KDM2B: variants seen among roughly 807,000 people sequenced by gnomAD.
KDM2B encodes lysine-specific demethylase 2B.
In KDM2B, 26 loss-of-function variants were observed where a neutral mutation model predicts 150.0. The ratio of observed to expected loss-of-function variants is 0.17; its 90% CI spans 0.13 to 0.24. The LOEUF (loss-of-function observed/expected upper bound fraction) is 0.24. Ranked by LOEUF, KDM2B falls within the 10% of genes least tolerant of loss-of-function variation. The probability of loss-of-function intolerance (pLI) is 1.00; values close to 1 mark genes in which losing one functional copy is unlikely to be tolerated. For missense variants in KDM2B, 1,265 were observed against 1,816.9 expected (o/e 0.70, Z 5.52); for synonymous variants, 734 against 729.5 (o/e 1.01, Z -0.10).
intron 11 of KDM2B, among the ~76,000 whole-genome samples, chr12:121,495,045 C>T (rs1240090811): frequency 2.7e-5 from 4 of 150,772 alleles, no homozygotes; most frequent in Non-Finnish European, 5.9e-5. Context: ...TCACCCAGGC[C>T]GGAGTGCAGT....
At chr12:121,424,620 A>G (rs1872418149), downstream of KDM2B, among the ~76,000 whole-genome samples, 1 of 151,332 alleles carries the variant, frequency 6.6e-6, no homozygotes, top group Admixed American at 6.6e-5. Flanking sequence ...CTGAGGTAGG[A>G]GGATGGCTTG....
chr12:121,446,211 C>T lies in KDM2B; in HGVS notation c.1960-793G>A, dbSNP rs545797147. Among the ~76,000 whole-genome samples the T allele has an allele frequency of 4.2e-3, 633 of 152,226 alleles. 3 individuals are homozygous for T. The highest frequency in any genetic ancestry group is 0.015 in the East Asian group (77 of 5,170). On this transcript the variant is annotated intron_variant, in intron 13 of 22. Coordinates refer to ENST00000377071, the MANE Select transcript of KDM2B (RefSeq NM_032590.5). ...GAGATCGAGACCATCCCGGCTACCACGGTGAAACCCCGTCTCTACTAAAAA... is the reference window on the plus strand; with the variant it reads ...GAGATCGAGACCATCCCGGCTACCATGGTGAAACCCCGTCTCTACTAAAAA...
chr12:121,524,742 G>T (rs1247607626), intron 8 of KDM2B: 1 of 442,622 alleles, frequency 2.3e-6, no homozygotes, highest in East Asian at 7.1e-5. Flanking sequence ...CTGCTGCCTG[G>T]GCTGGGAACG....
chr12:121,452,802 CGGAA>C lies in KDM2B; in HGVS notation c.1959+314_1959+317del, dbSNP rs367829269. Among the ~76,000 whole-genome samples, 1 of 152,080 alleles carries C rather than the reference CGGAA, an allele frequency of 6.6e-6. No individual in the cohort carries two copies. Among genetic ancestry groups the C allele is most frequent in the Non-Finnish European group, 1.5e-5 (1 of 68,006 alleles). On this transcript the variant is annotated intron_variant, in intron 13 of 22. Transcript: ENST00000377071. This position sits in a 1 kb window ranked among gnomAD's most constrained non-coding sequence, Gnocchi z 4.4. ...AGACTTCTGACTCTGAAGGCAGGGCCGGAAGGAAGGAAGGAAGGGCCCAGAACCG... is the reference window on the plus strand; with the variant it reads ...AGACTTCTGACTCTGAAGGCAGGGCCGGAAGGAAGGAAGGGCCCAGAACCG...
At chr12:121,415,798 A>G in the KDM2B span, among the ~76,000 whole-genome samples, 1 of 148,956 alleles carries the variant, frequency 6.7e-6, no homozygotes, top group South Asian at 2.1e-4. Flanking sequence ...TTTTTAGTAT[A>G]TGCATATCCC....
intron 22 of KDM2B, among the ~76,000 whole-genome samples, chr12:121,434,274 G>A (rs770882746): frequency 2.6e-5 from 4 of 151,672 alleles, no homozygotes; most frequent in Non-Finnish European, 5.9e-5. Context: ...GGTGACTCAC[G>A]CCTATAATCC....
Position 121,442,305 on chromosome 12 carries a change from G to T in KDM2B, c.3136C>A (p.Pro1046Thr), listed in dbSNP as rs1875258759. 1.2e-6 allele frequency: 2 copies of T among 1,610,168 alleles called. No homozygotes were observed. Among genetic ancestry groups the T allele is most frequent in the East Asian group, 4.5e-5 (2 of 44,854 alleles). ...IQMERHVIRP[P>T]PISPPPDSLP... Reference sequence around the variant, plus strand: ...GAGTCAGGCGGGGGGCTGATGGGGGGTGGCCGGATCACATGGCGCTCCATC... The same window carrying T: ...GAGTCAGGCGGGGGGCTGATGGGGGTTGGCCGGATCACATGGCGCTCCATC... Residue 1046 changes from proline to threonine, a missense_variant, in exon 19 of 23, where the codon CCC becomes ACC. Coordinates refer to ENST00000377071, the MANE Select transcript of KDM2B (RefSeq NM_032590.5). The surrounding 1 kb of genome is among the most constrained non-coding windows in gnomAD (Gnocchi z 7.7).
At chr12:121,485,080 C>T (rs941174861) in intron 12 of KDM2B, among the ~76,000 whole-genome samples, 5 of 152,140 alleles carry the variant, frequency 3.3e-5, no homozygotes, top group African/African-American at 4.8e-5. Context: ...GAAGCAGATC[C>T]TCCCACAGCC....
Position 121,466,597 on chromosome 12 carries a change from T to TCTCC in KDM2B, c.1735-13257_1735-13254dup, listed in dbSNP as rs1490108970. Among the ~76,000 whole-genome samples the TCTCC allele has an allele frequency of 2.0e-5, 3 of 151,404 alleles. No homozygotes were observed. The East Asian group carries it at 5.8e-4, about 29-fold the overall frequency. On this transcript the variant is annotated intron_variant, in intron 12 of 22. Transcript: ENST00000377071. ...GGCCCGCGGCTCGCACCCCTTCCTGTCTCCGTCTGCCCACGGCGGGCGGCG... is the reference window on the plus strand; with the variant it reads ...GGCCCGCGGCTCGCACCCCTTCCTGTCTCCCTCCGTCTGCCCACGGCGGGCGGCG...
chr12:121,541,037 A>T (rs1473313990), intron 6 of KDM2B, among the ~76,000 whole-genome samples: 1 of 152,114 alleles, frequency 6.6e-6, no homozygotes, highest in Non-Finnish European at 1.5e-5. Context: ...GTTCGAGACC[A>T]GCCTGACCAA....
chr12:121,442,338 A>C lies in KDM2B; in HGVS notation c.3103T>G (p.Cys1035Gly). 1 of 1,585,012 alleles carries C rather than the reference A, an allele frequency of 6.3e-7. No individual in the cohort carries two copies. Among genetic ancestry groups the C allele is most frequent in the Non-Finnish European group, 8.6e-7 (1 of 1,163,494 alleles). Reference protein sequence around the residue: ...RPPPSVSPPKCIQMERHVIRP... With the variant: ...RPPPSVSPPKGIQMERHVIRP... The stretch of plus-strand genomic sequence containing the variant: ...ATCACATGGCGCTCCATCTGGATAC[A>C]CTTGGGCGGGGACACGGAGGGTGGG... The change falls in exon 19 of 23, where the codon TGT becomes GGT. Residue 1035 changes from cysteine (C) to glycine (G), a missense_variant. Around this residue, in one of 11 missense-constraint regions of KDM2B, gnomAD observed 418 missense variants for 402.4 expected, o/e 1.04. Coordinates refer to ENST00000377071, the MANE Select transcript of KDM2B (RefSeq NM_032590.5). This position sits in a 1 kb window ranked among gnomAD's most constrained non-coding sequence, Gnocchi z 7.7.
rs1368103156 is a variant in KDM2B at position 121,575,973 on chromosome 12, G to A, written c.272-114C>T. ...GGACGAAGGGGCAGGGGGTCCAGGAGATGCAGGCACCAGCTGTACAGCAAA... is the reference window on the plus strand; with the variant it reads ...GGACGAAGGGGCAGGGGGTCCAGGAAATGCAGGCACCAGCTGTACAGCAAA... On this transcript the variant is annotated intron_variant, in intron 2 of 22. Coordinates refer to ENST00000377071, the MANE Select transcript of KDM2B (RefSeq NM_032590.5). The surrounding 1 kb of genome is among the most constrained non-coding windows in gnomAD (Gnocchi z 4.4). 1 of 754,520 alleles carries A rather than the reference G, an allele frequency of 1.3e-6. No individual in the cohort carries two copies. The highest frequency in any genetic ancestry group is 1.7e-5 in the African/African-American group (1 of 58,396). The allele number at this position is 754,520 out of a possible 1,614,324, so 46.7% of individuals were successfully genotyped here.
chr12:121,523,816 G>A (rs113981687), intron 8 of KDM2B, among the ~76,000 whole-genome samples: 3,238 of 152,306 alleles, frequency 0.021, 124 homozygotes, highest in African/African-American at 0.074. Context: ...GGTCTCTGGC[G>A]TGAGCCATGA....
rs774917820 is a variant in KDM2B, at chr12:121,520,359, C to T, written c.1047+626G>A. 2.6e-5 allele frequency among the ~76,000 whole-genome samples: 4 copies of T among 152,106 alleles called. No individual in the cohort carries two copies. Among genetic ancestry groups the T allele is most frequent in the Non-Finnish European group, 5.9e-5 (4 of 68,022 alleles). ...AGTTACCTAAGCCTCCGCCCATGTT[C>T]GTAGGACATGGGGTGAGTGAGGGAA... On this transcript the variant is annotated intron_variant, in intron 9 of 22. Coordinates refer to ENST00000377071, the MANE Select transcript of KDM2B (RefSeq NM_032590.5). This position sits in a 1 kb window ranked among gnomAD's most constrained non-coding sequence, Gnocchi z 4.5.
At position 121,518,619 on chromosome 12, in the gene KDM2B, G is replaced by T. The variant is rs573915729; in HGVS notation, c.1047+2366C>A. 2.6e-5 allele frequency among the ~76,000 whole-genome samples: 4 copies of T among 152,316 alleles called. No individual in the cohort carries two copies. Among genetic ancestry groups the T allele is most frequent in the South Asian group, 4.1e-4 (2 of 4,828 alleles). On this transcript the variant is annotated intron_variant, in intron 9 of 22. Coordinates refer to ENST00000377071, the MANE Select transcript of KDM2B (RefSeq NM_032590.5). The surrounding 1 kb of genome is among the most constrained non-coding windows in gnomAD (Gnocchi z 4.4). ...CAGCACCCTGCCAGTCGTCATGGGT[G>T]GGGGAAGGGACCTGGGCTCCTAAGG...
chr12:121,533,169 T>C lies in KDM2B; in HGVS notation c.778-210A>G, dbSNP rs1290987652. 6.6e-6 allele frequency among the ~76,000 whole-genome samples: 1 copy of C among 152,150 alleles called. No individual in the cohort carries two copies. The highest frequency in any genetic ancestry group is 1.5e-5 in the Non-Finnish European group (1 of 68,008). On this transcript the variant is annotated intron_variant, in intron 7 of 22. Coordinates refer to ENST00000377071, the MANE Select transcript of KDM2B (RefSeq NM_032590.5). This position sits in a 1 kb window ranked among gnomAD's most constrained non-coding sequence, Gnocchi z 4.1. ...GAGGCAGGAAGGGCTGTGCCCACCT[T>C]CAGGGAACCTCCATTCCTGCTGAAA... is the stretch of plus-strand genomic sequence containing the variant.
chr12:121,522,333 T>C (rs1288934346), intron 8 of KDM2B, among the ~76,000 whole-genome samples: 1 of 150,304 alleles, frequency 6.7e-6, no homozygotes, highest in Non-Finnish European at 1.5e-5. Flanking sequence ...CTGACCAACA[T>C]GGAGAAACCC....
intron 22 of KDM2B, among the ~76,000 whole-genome samples, chr12:121,435,868 G>A (rs1873896521): frequency 6.6e-6 from 1 of 152,136 alleles, no homozygotes; most frequent in Non-Finnish European, 1.5e-5. Context: ...TGTAAGTGTC[G>A]TCCATAGCAG....
intron 8 of KDM2B, chr12:121,524,761 T>G (rs1555306534): frequency 2.3e-6 from 1 of 433,490 alleles, no homozygotes; most frequent in African/African-American, 2.0e-5. Flanking sequence ...CGCTGGCATC[T>G]GCCTCCTGCT....
Sources: gnomAD v4.1 joint callset for allele counts (sites outside exome capture counted in the v4.1 genomes callset) on GRCh38, gnomAD v4.1.1 for gene constraint, gnomAD v4.1.1 regional missense constraint, Gnocchi (gnomAD v3.1) non-coding constraint, MANE v1.5 for transcripts, NCBI Gene and HGNC (gene_info 2026-07-23, HGNC 2026-07-21) for gene names.